The following KCNQ4 variants were observed in gnomAD, a reference collection of about 807,000 sequenced individuals.
The protein encoded by KCNQ4 is potassium voltage-gated channel subfamily Q member 4.
In KCNQ4, 31 loss-of-function variants were observed where a neutral mutation model predicts 72.6. The observed-to-expected ratio is 0.43, with a 90% CI of 0.32 to 0.58. The LOEUF (loss-of-function observed/expected upper bound fraction) is 0.58. Among genes scored for constraint, KCNQ4 ranks in the 20% least tolerant of loss-of-function variants. The pLI is 0.08. For missense variants in KCNQ4, 869 were observed against 962.6 expected (o/e 0.90, Z 1.29); for synonymous variants, 405 against 403.7 (o/e 1.00, Z -0.04).
rs535198164 is a variant in KCNQ4, at chr1:40,831,601, C to T, written c.1513+297C>T. Among the ~76,000 whole-genome samples, 20 of 152,266 alleles carry T rather than the reference C, an allele frequency of 1.3e-4. No homozygotes were observed. In the South Asian group the frequency reaches 2.1e-3, roughly 16 times the overall value. ...TCCTGGCTTTGTCACTTATCTTAGGCGAGTGACCTAATTTCTCTGGGCCTC... is the reference window on the plus strand; with the variant it reads ...TCCTGGCTTTGTCACTTATCTTAGGTGAGTGACCTAATTTCTCTGGGCCTC... On this transcript the variant is annotated intron_variant, in intron 10 of 13. Transcript: ENST00000347132.
chr1:40,818,266 G>A lies in KCNQ4; in HGVS notation c.508G>A (p.Ala170Thr), dbSNP rs1648159664. 1.2e-6 allele frequency: 2 copies of A among 1,613,854 alleles called. No individual in the cohort carries two copies. Among genetic ancestry groups the A allele is most frequent in the Middle Eastern group, 1.6e-4 (1 of 6,062 alleles). The change falls in exon 3 of 14, where the codon GCC (alanine) becomes ACC (threonine). Residue 170 changes from alanine to threonine, a missense_variant. Around this residue, in one of 5 missense-constraint regions of KCNQ4, gnomAD observed 179 missense variants for 243.0 expected, o/e 0.74. Transcript: ENST00000347132. ...YRGWQGRFRF[A>T]RKPFCVIDFI... ...AGGATGGCAGGGTCGCTTCCGCTTT[G>A]CCAGAAAGCCCTTCTGTGTCATCGG...
chr1:40,824,048 G>A (rs1308531161), intron 8 of KCNQ4, 49 bp from the exon 9 acceptor site: 6 of 1,545,760 alleles, frequency 3.9e-6, no homozygotes, highest in Non-Finnish European at 5.2e-6. Flanking sequence ...CTGGGTGAGG[G>A]GGGTGGTGCC....
Position 40,784,320 on chromosome 1 carries a change from C to T in KCNQ4, c.227C>T (p.Ala76Val). ...GSACGQRSSA[A>V]HKRYRRLQNW... is the part of the protein sequence containing the mutation. Reference sequence around the variant, plus strand: ...GCCTGCGGCCAGCGCTCCTCGGCCGCGCACAAGCGCTACCGCCGCCTGCAG... The same window carrying T: ...GCCTGCGGCCAGCGCTCCTCGGCCGTGCACAAGCGCTACCGCCGCCTGCAG... Residue 76 changes from alanine to valine, a missense_variant, in exon 1 of 14, where the codon GCG becomes GTG. Physicochemically the swap from Ala to Val is moderately conservative, Grantham distance 64. Coordinates refer to ENST00000347132, the MANE Select transcript of KCNQ4 (RefSeq NM_004700.4). The surrounding 1 kb of genome is among the most constrained non-coding windows in gnomAD (Gnocchi z 4.1). 1 of 1,607,198 alleles carries T rather than the reference C, an allele frequency of 6.2e-7. No homozygotes were observed. Among genetic ancestry groups the T allele is most frequent in the African/African-American group, 1.3e-5 (1 of 74,918 alleles).
chr1:40,809,782 T>C (rs1014508025), intron 1 of KCNQ4, among the ~76,000 whole-genome samples: 2 of 152,096 alleles, frequency 1.3e-5, no homozygotes, highest in Admixed American at 1.3e-4. Context: ...ACTCCACAAT[T>C]GGCCAGGTGC....
chr1:40,800,525 C>T (rs1461811659), intron 1 of KCNQ4, among the ~76,000 whole-genome samples: 1 of 152,188 alleles, frequency 6.6e-6, no homozygotes, highest in African/African-American at 2.4e-5. Context: ...GGTGAGCTTG[C>T]ATCAATCCTC....
intron 7 of KCNQ4, 72 bp downstream of exon 7, chr1:40,820,332 T>C (rs1004715767): frequency 1.5e-5 from 20 of 1,312,146 alleles, no homozygotes; most frequent in Non-Finnish European, 2.0e-5. Context: ...CCCTGTGTGC[T>C]GACCCATGTC....
At chr1:40,824,326 C>T in intron 9 of KCNQ4, 68 bp downstream of exon 9, 1 of 1,519,742 alleles carries the variant, frequency 6.6e-7, no homozygotes, top group Middle Eastern at 1.7e-4. Context: ...CTGTCTTCAT[C>T]CTCTCTCAGA....
At chr1:40,816,501 C>T (rs551683855) in intron 1 of KCNQ4, among the ~76,000 whole-genome samples, 6 of 152,296 alleles carry the variant, frequency 3.9e-5, no homozygotes, top group South Asian at 2.1e-4. Context: ...TCTTCCTCTT[C>T]GGGCCTGTTT....
chr1:40,795,259 T>TTA (rs1028245890), intron 1 of KCNQ4, among the ~76,000 whole-genome samples: 3 of 149,272 alleles, frequency 2.0e-5, no homozygotes, highest in Non-Finnish European at 3.0e-5. Context: ...TTTTACCTTT[T>TTA]TTTTTTTTTT....
chr1:40,822,354 A>T lies in KCNQ4; in HGVS notation c.1082A>T (p.Tyr361Phe). The T allele has an allele frequency of 6.8e-7, 1 of 1,478,772 alleles. No individual in the cohort carries two copies. The highest frequency in any genetic ancestry group is 9.1e-7 in the Non-Finnish European group (1 of 1,103,636). 91.6% of individuals were successfully genotyped at this position (1,478,772 alleles called of 1,614,324 possible). ...RLYSTDMSRA[Y>F]LTATWYYYDS... ...TACTCCACCGATATGAGCCGGGCCT[A>T]CCTGACAGCCACCTGGTACTACTAT... The change falls in exon 8 of 14, where the codon TAC (tyrosine) becomes TTC (phenylalanine). Residue 361 changes from tyrosine (Y) to phenylalanine (F), a missense_variant. By Grantham distance (22) the Tyr-to-Phe change is conservative. Transcript: ENST00000347132.
At position 40,824,212 on chromosome 1, in the gene KCNQ4, GC is replaced by G; in HGVS notation, c.1248del (p.Thr417ProfsTer79). 1 of 1,603,900 alleles carries G rather than the reference GC, an allele frequency of 6.2e-7. No homozygotes were observed. Among genetic ancestry groups the G allele is most frequent in the Non-Finnish European group, 8.5e-7 (1 of 1,176,090 alleles). ...AGCACCCTCCCGTTACCCGCCCGTT[GC>G]CACCTGCCACCGGCCGGGCAGCACC... ...DGAPSRYPPV[A>X]TCHRPGSTSF... On this transcript the variant is annotated frameshift_variant, in exon 9 of 14. Transcript: ENST00000347132. LOFTEE classifies it high-confidence loss of function.
intron 8 of KCNQ4, 74 bp from the exon 9 acceptor site, chr1:40,824,023 G>A (rs1648394147): frequency 6.6e-7 from 1 of 1,510,924 alleles, no homozygotes; most frequent in South Asian, 1.2e-5. Context: ...TCTGAGCTCA[G>A]GAGCTCTGTG....
At chr1:40,838,227 G>C in intron 13 of KCNQ4, 84 bp from the exon 14 acceptor site, 3 of 1,180,304 alleles carry the variant, frequency 2.5e-6, no homozygotes, top group Non-Finnish European at 3.7e-6. Context: ...CACCGGCTAG[G>C]GTCCGCCCCG....
Position 40,784,476 on chromosome 1 carries a change from C to T in KCNQ4, c.314+69C>T. The T allele has an allele frequency of 6.7e-7, 1 of 1,486,760 alleles. No homozygotes were observed. Among genetic ancestry groups the T allele is most frequent in the Non-Finnish European group, 9.3e-7 (1 of 1,079,718 alleles). 92.1% of individuals were successfully genotyped at this position (1,486,760 alleles called of 1,614,324 possible). ...CCTGGCCTCCCGGGGCACGGCCGCC[C>T]CGCCCTGGCTCCGCCTTCTACCCCC... is the stretch of plus-strand genomic sequence containing the variant. On this transcript the variant is annotated intron_variant, in intron 1 of 13. Coordinates refer to ENST00000347132, the MANE Select transcript of KCNQ4 (RefSeq NM_004700.4). This position sits in a 1 kb window ranked among gnomAD's most constrained non-coding sequence, Gnocchi z 4.1.
chr1:40,800,400 G>C (rs1314937502), intron 1 of KCNQ4, among the ~76,000 whole-genome samples: 3 of 152,206 alleles, frequency 2.0e-5, no homozygotes, highest in African/African-American at 7.2e-5. Context: ...GTGTCAGGAA[G>C]GATAGAGCAA....
intron 1 of KCNQ4, among the ~76,000 whole-genome samples, chr1:40,809,929 G>A (rs1175892108): frequency 2.0e-5 from 3 of 152,080 alleles, no homozygotes; most frequent in Non-Finnish European, 4.4e-5. Context: ...GCCGGGCGTG[G>A]TGGTAGGCAC....
chr1:40,827,312 C>T (rs1570842399), intron 9 of KCNQ4, among the ~76,000 whole-genome samples: 1 of 152,166 alleles, frequency 6.6e-6, no homozygotes, highest in African/African-American at 2.4e-5. Context: ...GGAGGAAGCA[C>T]AGGGGCTGTG....
At position 40,818,618 on chromosome 1, in the gene KCNQ4, C is replaced by A; in HGVS notation, c.646C>A (p.Arg216Ser). ...CTTCCTGCAGATCCTGCGCATGGTGCGCATGGACCGCCGCGGCGGCACCTG... is the reference window on the plus strand; with the variant it reads ...CTTCCTGCAGATCCTGCGCATGGTGAGCATGGACCGCCGCGGCGGCACCTG... ...MRFLQILRMV[R>S]MDRRGGTWKL... Residue 216 changes from arginine to serine, a missense_variant, in exon 4 of 14, where the codon CGC becomes AGC. Physicochemically the swap from Arg to Ser is moderately radical, Grantham distance 110 (BLOSUM62 -1). Coordinates refer to ENST00000347132, the MANE Select transcript of KCNQ4 (RefSeq NM_004700.4). 1 of 1,606,722 alleles carries A rather than the reference C, an allele frequency of 6.2e-7. No individual in the cohort carries two copies. The highest frequency in any genetic ancestry group is 8.5e-7 in the Non-Finnish European group (1 of 1,179,572).
chr1:40,837,861 G>A, intron 13 of KCNQ4, 67 bp downstream of exon 13: 2 of 1,556,972 alleles, frequency 1.3e-6, no homozygotes, highest in East Asian at 2.3e-5. Context: ...GTGACATGGG[G>A]AGGATGCGTT....
Sources: allele counts gnomAD v4.1 joint callset (sites outside exome capture counted in the v4.1 genomes callset), GRCh38; gene constraint gnomAD v4.1.1; regional missense constraint gnomAD v4.1.1; non-coding constraint Gnocchi (gnomAD v3.1); transcripts MANE v1.5; gene names NCBI Gene and HGNC (gene_info 2026-07-23, HGNC 2026-07-21).